Variants in MAP4K5 observed in about 807,000 individuals in gnomAD.
MAP4K5 encodes the protein MAPK/ERK kinase kinase kinase 5.
In MAP4K5, 82 loss-of-function variants were observed where a neutral mutation model predicts 135.6. The observed-to-expected ratio is 0.60, with a 90% CI of 0.51 to 0.73. The LOEUF (loss-of-function observed/expected upper bound fraction) is 0.73. Among genes scored for constraint, MAP4K5 ranks in the 30% least tolerant of loss-of-function variants. The pLI is 0.00. For missense variants in MAP4K5, 907 were observed against 1,010.9 expected, an observed-to-expected ratio of 0.90 and a Z score of 1.39; for synonymous variants, 347 against 335.0, an observed-to-expected ratio of 1.04 and a Z score of -0.39.
intron 1 of MAP4K5, among the ~76,000 whole-genome samples, chr14:50,554,074 A>G (rs1160806906): frequency 2.6e-5 from 4 of 152,030 alleles, no homozygotes; most frequent in African/African-American, 9.7e-5. Context: ...AACAAAAAAA[A>G]TCTGTTCCCC....
At chr14:50,422,773 A>G (rs1718344575) in intron 32 of MAP4K5, among the ~76,000 whole-genome samples, 1 of 152,194 alleles carries the variant, frequency 6.6e-6, no homozygotes, top group Non-Finnish European at 1.5e-5. Flanking sequence ...AATATCATCA[A>G]GAGGTACATA....
chr14:50,428,757 T>TAAAA lies in MAP4K5; in HGVS notation c.2234-7_2234-4dup. The TAAAA allele has an allele frequency of 2.7e-6, 3 of 1,100,084 alleles. No individual in the cohort carries two copies. The highest frequency in any genetic ancestry group is 1.8e-5 in the South Asian group (1 of 56,630). 68.1% of individuals were successfully genotyped at this position (1,100,084 alleles called of 1,614,324 possible). On this transcript the variant is annotated splice_region_variant and splice_polypyrimidine_tract_variant and intron_variant, in intron 29 of 32. Coordinates refer to ENST00000682126, the MANE Select transcript of MAP4K5 (RefSeq NM_006575.6). Reference sequence around the variant, plus strand: ...TAGATTTACAATTTTCACAAATTCTTAAAAAAAAAAAACAAGTCAAGACTG... The same window carrying TAAAA: ...TAGATTTACAATTTTCACAAATTCTTAAAAAAAAAAAAAAAACAAGTCAAGACTG...
chr14:50,483,038 T>C (rs2139915078), intron 5 of MAP4K5: 1 of 152,310 alleles, frequency 6.6e-6, no homozygotes, highest in South Asian at 2.1e-4. Flanking sequence ...GTCTATAGAA[T>C]GCAATCCTGA....
At chr14:50,557,684 A>G (rs1392114494) in intron 1 of MAP4K5, among the ~76,000 whole-genome samples, 3 of 152,202 alleles carry the variant, frequency 2.0e-5, no homozygotes, top group African/African-American at 7.2e-5. Context: ...CTATTGAGGT[A>G]TTTCTTCAGA....
chr14:50,488,429 A>G (rs990371125), intron 3 of MAP4K5, among the ~76,000 whole-genome samples: 1 of 152,184 alleles, frequency 6.6e-6, no homozygotes, highest in Admixed American at 6.5e-5. Context: ...TCACTTTTAA[A>G]TGTGCACAGA....
At chr14:50,482,822 T>C (rs2037278335) in intron 5 of MAP4K5, 1 of 155,342 alleles carries the variant, frequency 6.4e-6, no homozygotes, top group African/African-American at 2.4e-5. Flanking sequence ...AGACGAACTA[T>C]TATAAAACAA....
chr14:50,428,503 A>G (rs898457312), intron 30 of MAP4K5, among the ~76,000 whole-genome samples, 159 bp downstream of exon 30: 2 of 152,128 alleles, frequency 1.3e-5, no homozygotes, highest in Non-Finnish European at 2.9e-5. Context: ...TGATCTGCCC[A>G]CCTTGGCCTC....
chr14:50,496,650 A>T (rs1477158442), intron 3 of MAP4K5, among the ~76,000 whole-genome samples: 1 of 151,894 alleles, frequency 6.6e-6, no homozygotes, highest in Non-Finnish European at 1.5e-5. Flanking sequence ...CTGGGACTAC[A>T]GAAGCAGGCT....
chr14:50,532,585 C>A, upstream of MAP4K5: 1 of 153,252 alleles, frequency 6.5e-6, no homozygotes, highest in South Asian at 1.9e-4. Context: ...CCGCCGCCGC[C>A]GCCGCCGCAC....
In MAP4K5 at chr14:50,446,073, G is replaced by A. The variant is rs762700323; in HGVS notation, c.1185+6C>T. The A allele has an allele frequency of 1.3e-6, 2 of 1,533,622 alleles. No homozygotes were observed. The highest frequency in any genetic ancestry group is 1.8e-6 in the Non-Finnish European group (2 of 1,139,996). Reference sequence around the variant, plus strand: ...ATTTAGTGTTCAAAATCATTAAGTAGCTCACCTTAGGAGGTAGGGGAGGTG... The same window carrying A: ...ATTTAGTGTTCAAAATCATTAAGTAACTCACCTTAGGAGGTAGGGGAGGTG... On this transcript the variant is annotated splice_donor_region_variant and intron_variant, in intron 17 of 32. Coordinates refer to ENST00000682126, the MANE Select transcript of MAP4K5 (RefSeq NM_006575.6).
In MAP4K5 at chr14:50,478,953, T is replaced by C. The variant is rs1191390614; in HGVS notation, c.379-2647A>G. On this transcript the variant is annotated intron_variant, in intron 6 of 32. Transcript: ENST00000682126. ...AGTCCTGTTCTGAATGCTTCTAAGA[T>C]GTTCTAATCAAATAAGCAATTTGAT... Among the ~76,000 whole-genome samples the C allele has an allele frequency of 3.3e-5, 5 of 152,130 alleles. No individual in the cohort carries two copies. The South Asian group carries it at 6.2e-4, about 19-fold the overall frequency.
chr14:50,476,245 T>C lies in MAP4K5; in HGVS notation c.426+14A>G, dbSNP rs367839385. 65 of 1,498,476 alleles carry C rather than the reference T, an allele frequency of 4.3e-5. No homozygotes were observed. The African/African-American group carries it at 7.7e-4, about 18-fold the overall frequency. The allele number at this position is 1,498,476 out of a possible 1,614,324, so 92.8% of individuals were successfully genotyped here. On this transcript the variant is annotated intron_variant, in intron 7 of 32. Coordinates refer to ENST00000682126, the MANE Select transcript of MAP4K5 (RefSeq NM_006575.6). Reference sequence around the variant, plus strand: ...CAATAGAATTGGCAATTTAAATGTATTAAATGAACTTACTTTGATATCTCT... The same window carrying C: ...CAATAGAATTGGCAATTTAAATGTACTAAATGAACTTACTTTGATATCTCT...
At chr14:50,451,653 A>G (rs1390959312) in intron 14 of MAP4K5, among the ~76,000 whole-genome samples, 1 of 152,166 alleles carries the variant, frequency 6.6e-6, no homozygotes, top group East Asian at 1.9e-4. Context: ...GAACTTACAG[A>G]TATGTTACAG....
intron 3 of MAP4K5, among the ~76,000 whole-genome samples, chr14:50,491,001 C>CT: frequency 6.6e-6 from 1 of 152,134 alleles, no homozygotes; most frequent in Admixed American, 6.5e-5. Flanking sequence ...TGGAGTAAGT[C>CT]GGTTGCACCC....
chr14:50,522,757 T>C lies in MAP4K5; in HGVS notation c.108+9185A>G, dbSNP rs191350753. Among the ~76,000 whole-genome samples, 616 of 152,290 alleles carry C rather than the reference T, an allele frequency of 4.0e-3. 7 individuals are homozygous for C. The highest frequency in any genetic ancestry group is 7.8e-3 in the Admixed American group (119 of 15,290). On this transcript the variant is annotated intron_variant, in intron 2 of 32. Coordinates refer to ENST00000682126, the MANE Select transcript of MAP4K5 (RefSeq NM_006575.6). ...ACACAAAAAGGACAGTATATTCATA[T>C]AGTTCAGCTGTGTTACTATCAAAAA... is the stretch of plus-strand genomic sequence containing the variant.
At chr14:50,434,713 G>C in intron 27 of MAP4K5, 142 bp from the exon 28 acceptor site, 1 of 795,670 alleles carries the variant, frequency 1.3e-6, no homozygotes, top group Non-Finnish European at 2.0e-6. Flanking sequence ...TGATAAGAAG[G>C]ATGAATGTTC....
chr14:50,463,584 G>A lies in MAP4K5; in HGVS notation c.819+468C>T, dbSNP rs905996004. On this transcript the variant is annotated intron_variant, in intron 12 of 32. Transcript: ENST00000682126. ...GTTTAAAATATTTACTATGTGACCC[G>A]CCTATAGAAAATTTGCTGGTCAGGC... Among the ~76,000 whole-genome samples the A allele has an allele frequency of 4.6e-5, 7 of 152,004 alleles. No individual in the cohort carries two copies. The East Asian group carries it at 5.8e-4, about 13-fold the overall frequency.
intron 21 of MAP4K5, 52 bp downstream of exon 21, chr14:50,442,680 T>C (rs2036255119): frequency 8.3e-7 from 1 of 1,207,750 alleles, no homozygotes; most frequent in Admixed American, 2.0e-5. Flanking sequence ...ATAAAGATCT[T>C]TCCCATAATA....
At chr14:50,435,981 G>A (rs574467154) in intron 26 of MAP4K5, among the ~76,000 whole-genome samples, 11 of 152,108 alleles carry the variant, frequency 7.2e-5, no homozygotes, top group Non-Finnish European at 1.5e-4. Flanking sequence ...AATAGATATT[G>A]ACATGATTCT....
Sources: gnomAD v4.1 joint callset for allele counts (sites outside exome capture counted in the v4.1 genomes callset) on GRCh38, gnomAD v4.1.1 for gene constraint, MANE v1.5 for transcripts, NCBI Gene and HGNC (gene_info 2026-07-23, HGNC 2026-07-21) for gene names.